The following RAD54B variants were observed in gnomAD, a reference collection of about 807,000 sequenced individuals.
RAD54B encodes the protein RAD54 homolog B, also known as DNA repair and recombination protein RAD54B.
Under a neutral mutation model 95.8 loss-of-function variants are expected in RAD54B, and 78 were observed. That is an observed-to-expected ratio of 0.81 (90% CI 0.68 to 0.98). The LOEUF (loss-of-function observed/expected upper bound fraction) is 0.98, where lower values mean the gene tolerates loss of function less well. Ranked by LOEUF, RAD54B falls within the 50% of genes least tolerant of loss-of-function variation. The pLI, the probability that RAD54B is intolerant of heterozygous loss-of-function variation, is 0.00. For synonymous variants in RAD54B, 328 were observed against 354.9 expected (o/e 0.92, Z 0.85); for missense variants, 957 against 1,056.6 (o/e 0.91, Z 1.31).
intron 3 of RAD54B, chr8:94,431,735 G>C: frequency 1.0e-6 from 1 of 992,122 alleles, no homozygotes; most frequent in Non-Finnish European, 1.2e-6. Flanking sequence ...TTGGTATTAG[G>C]TTAGTATAGC....
chr8:94,411,307 C>A lies in RAD54B; in HGVS notation c.313G>T (p.Ala105Ser), dbSNP rs750878874. Residue 105 changes from alanine (A) to serine (S), a missense_variant, in exon 4 of 15, where the codon GCT becomes TCT. Transcript: ENST00000336148. ...TLDPPHTVHS[A>S]PKEVAVSKEQ... ...TTGGACACTGCTACTTCTTTAGGAGCCGAATGAACTACAATTAAAAAAAAA... is the reference window on the plus strand; with the variant it reads ...TTGGACACTGCTACTTCTTTAGGAGACGAATGAACTACAATTAAAAAAAAA... The A allele has an allele frequency of 2.4e-5, 37 of 1,558,374 alleles. No individual in the cohort carries two copies. Among genetic ancestry groups the A allele is most frequent in the Non-Finnish European group, 2.8e-5 (33 of 1,162,962 alleles).
intron 2 of RAD54B, among the ~76,000 whole-genome samples, chr8:94,462,689 G>A (rs1288316084): frequency 6.6e-6 from 1 of 152,052 alleles, no homozygotes; most frequent in Non-Finnish European, 1.5e-5. Flanking sequence ...GTAAAAAGAC[G>A]GCAGAGTTGA....
At chr8:94,455,406 A>G (rs1812757266) in intron 3 of RAD54B, among the ~76,000 whole-genome samples, 1 of 152,240 alleles carries the variant, frequency 6.6e-6, no homozygotes, top group Non-Finnish European at 1.5e-5. Context: ...CCTTAACAAG[A>G]GAACATTCCT....
intron 4 of RAD54B, among the ~76,000 whole-genome samples, chr8:94,410,467 A>T (rs1811502579): frequency 6.6e-6 from 1 of 152,214 alleles, no homozygotes; most frequent in Non-Finnish European, 1.5e-5. Flanking sequence ...AAAACTATAA[A>T]CTATATTTTT....
intron 3 of RAD54B, among the ~76,000 whole-genome samples, chr8:94,425,223 A>C (rs1027969005): frequency 2.7e-5 from 4 of 147,004 alleles, no homozygotes; most frequent in African/African-American, 1.0e-4. Flanking sequence ...CTAAGCCTTT[A>C]ATATTCTTTT....
At chr8:94,393,325 G>T (rs767207555) in intron 9 of RAD54B, 3 of 158,088 alleles carry the variant, frequency 1.9e-5, no homozygotes, top group Non-Finnish European at 4.1e-5. Flanking sequence ...GTAAATCCAA[G>T]TTGGGGAGGT....
chr8:94,399,698 C>T, intron 7 of RAD54B, 77 bp from the exon 8 acceptor site: 5 of 1,460,292 alleles, frequency 3.4e-6, no homozygotes, highest in Non-Finnish European at 4.5e-6. Context: ...CTATTCCTGA[C>T]AGTCACTTAC....
At chr8:94,388,504 A>G (rs1274939681) in intron 10 of RAD54B, among the ~76,000 whole-genome samples, 4 of 152,090 alleles carry the variant, frequency 2.6e-5, no homozygotes, top group African/African-American at 9.7e-5. Context: ...TTATAAAGGG[A>G]TTTTCAACAG....
In RAD54B at chr8:94,458,318, T is replaced by C. The variant is rs1315200957; in HGVS notation, c.254A>G (p.Lys85Arg). 6.2e-7 allele frequency: 1 copy of C among 1,610,240 alleles called. No homozygotes were observed. The change falls in exon 3 of 15, where the codon AAA becomes AGA. Residue 85 changes from lysine to arginine, a missense_variant. By Grantham distance (26) the Lys-to-Arg change is conservative (BLOSUM62 2). Coordinates refer to ENST00000336148, the MANE Select transcript of RAD54B (RefSeq NM_012415.3). ...EINNRDNCSG[K>R]YCFEAPTLAT... ...CAGTGTAGGTGCTTCAAAACAATAT[T>C]TTCCACTGCAATTATCTCTGTTATT...
chr8:94,452,899 T>C (rs942567354), intron 3 of RAD54B, among the ~76,000 whole-genome samples: 1 of 152,198 alleles, frequency 6.6e-6, no homozygotes, highest in Admixed American at 6.5e-5. Flanking sequence ...GATTGTCAAA[T>C]ATCAAAAATA....
At chr8:94,470,368 G>A (rs1487808909) in intron 1 of RAD54B, among the ~76,000 whole-genome samples, 1 of 152,182 alleles carries the variant, frequency 6.6e-6, no homozygotes, top group African/African-American at 2.4e-5. Context: ...GGAGGCCAAG[G>A]TGAGTGGATC....
intron 3 of RAD54B, among the ~76,000 whole-genome samples, chr8:94,435,995 T>C (rs1284389498): frequency 6.6e-6 from 1 of 152,198 alleles, no homozygotes; most frequent in Non-Finnish European, 1.5e-5. Flanking sequence ...ACAAGTTTAC[T>C]TATTGATTTT....
chr8:94,389,202 A>G (rs2450563), intron 10 of RAD54B, among the ~76,000 whole-genome samples: 137,872 of 152,266 alleles, frequency 0.91, 62,859 homozygotes, highest in Non-Finnish European at 0.96. Flanking sequence ...CAATTCTCCC[A>G]CCTCAGCCTC....
At chr8:94,423,286 G>A (rs2130076462) in intron 3 of RAD54B, among the ~76,000 whole-genome samples, 1 of 152,224 alleles carries the variant, frequency 6.6e-6, no homozygotes, top group East Asian at 1.9e-4. Context: ...AGGAAGCTGA[G>A]GCAGGAGAAT....
intron 3 of RAD54B, among the ~76,000 whole-genome samples, chr8:94,422,617 A>AATAT (rs1166692675): frequency 0.035 from 1,515 of 43,464 alleles, 48 homozygotes; most frequent in Non-Finnish European, 0.043. Flanking sequence ...AAAAAAAAAA[A>AATAT]ATATATATAT....
rs369355640 is a variant in RAD54B at position 94,395,925 on chromosome 8, G to A, written c.1379-2043C>T. On this transcript the variant is annotated intron_variant, in intron 8 of 14. Transcript: ENST00000336148. ...ACCTTTAGACTTCCAGTTATATGGG[G>A]GAATAAGCACATCTGATTCAGATCA... 2.2e-4 allele frequency among the ~76,000 whole-genome samples: 34 copies of A among 152,204 alleles called. No homozygotes were observed. In the South Asian group the frequency reaches 6.8e-3, roughly 31 times the overall value.
intron 14 of RAD54B, among the ~76,000 whole-genome samples, chr8:94,376,729 TTA>T (rs1429632347): frequency 6.7e-6 from 1 of 148,544 alleles, no homozygotes; most frequent in Non-Finnish European, 1.5e-5. Context: ...TTTATTATAT[TTA>T]GTTATTAGTT....
chr8:94,412,615 A>T (rs577160174), intron 3 of RAD54B, among the ~76,000 whole-genome samples: 1 of 152,246 alleles, frequency 6.6e-6, no homozygotes, highest in African/African-American at 2.4e-5. Flanking sequence ...GCTCTTCACT[A>T]TGTCTTTTAC....
intron 10 of RAD54B, among the ~76,000 whole-genome samples, chr8:94,391,039 T>C (rs1413698058): frequency 6.6e-6 from 1 of 152,150 alleles, no homozygotes; most frequent in Non-Finnish European, 1.5e-5. Context: ...TTGGAGCATT[T>C]TGAATTTCTA....
Sources: allele counts gnomAD v4.1 joint callset (sites outside exome capture counted in the v4.1 genomes callset), GRCh38; gene constraint gnomAD v4.1.1; transcripts MANE v1.5; gene names NCBI Gene and HGNC (gene_info 2026-07-23, HGNC 2026-07-21).